The following MTF2 variants were observed in gnomAD, a reference collection of about 807,000 sequenced individuals.
MTF2 encodes metal-response element-binding transcription factor 2.
MTF2 carries 11 observed loss-of-function variants against 79.5 expected under a neutral mutation model. The ratio of observed to expected loss-of-function variants is 0.14; its 90% confidence interval spans 0.09 to 0.23. MTF2 has a LOEUF of 0.23. MTF2 is among the 10% of genes least tolerant of loss of function. The probability of loss-of-function intolerance (pLI) is 1.00; values close to 1 mark genes in which losing one functional copy is unlikely to be tolerated. For missense variants in MTF2, 486 were observed against 711.2 expected (o/e 0.68, Z 3.60); for synonymous variants, 208 against 232.8 (o/e 0.89, Z 0.97).
Position 93,137,100 on chromosome 1 carries a change from G to T in MTF2, c.*73G>T. 7.8e-7 allele frequency: 1 copy of T among 1,275,172 alleles called. No individual in the cohort carries two copies. The highest frequency in any genetic ancestry group is 1.1e-6 in the Non-Finnish European group (1 of 931,158). The allele number at this position is 1,275,172 out of a possible 1,614,324, so 79.0% of individuals were successfully genotyped here. On this transcript the variant is annotated 3_prime_UTR_variant, in exon 15 of 15. Coordinates refer to ENST00000370298, the MANE Select transcript of MTF2 (RefSeq NM_007358.4). The stretch of plus-strand genomic sequence containing the variant: ...ACAGTTCAAAGCCCTAAAGGAGTCT[G>T]GCTTTTACTATCTTTCTTAAAAAAA...
intron 1 of MTF2, among the ~76,000 whole-genome samples, chr1:93,097,707 C>T (rs982311030): frequency 6.6e-5 from 10 of 152,112 alleles, no homozygotes; most frequent in Non-Finnish European, 1.0e-4. Context: ...GAGCAGTTCT[C>T]GCGCCTCAGC....
In MTF2 at chr1:93,091,014, ATG is replaced by A. The variant is rs1458410512; in HGVS notation, c.5+11484_5+11485del. Reference sequence around the variant, plus strand: ...CCATTTTTGTAACCTTGTAGCTTGTATGAATGTTCAAACATTTTTTTGCCCCT... The same window carrying A: ...CCATTTTTGTAACCTTGTAGCTTGTAAATGTTCAAACATTTTTTTGCCCCT... On this transcript the variant is annotated intron_variant, in intron 1 of 14. Transcript: ENST00000370298. 4.8e-3 allele frequency among the ~76,000 whole-genome samples: 738 copies of A among 152,266 alleles called. 3 individuals are homozygous for A. Among genetic ancestry groups the A allele is most frequent in the South Asian group, 8.5e-3 (41 of 4,828 alleles).
At chr1:93,110,681 A>G (rs1655992610) in intron 3 of MTF2, 55 bp downstream of exon 3, 1 of 1,351,428 alleles carries the variant, frequency 7.4e-7, no homozygotes, top group Non-Finnish European at 1.1e-6. Context: ...GATTTTCTTC[A>G]ACTTGTCATA....
At chr1:93,103,198 C>T (rs936990871) in intron 1 of MTF2, among the ~76,000 whole-genome samples, 10 of 150,788 alleles carry the variant, frequency 6.6e-5, no homozygotes, top group Non-Finnish European at 7.4e-5. Flanking sequence ...GTTTTGTCTA[C>T]GTTTGTAATT....
At chr1:93,119,499 A>G in intron 8 of MTF2, 98 bp downstream of exon 8, 2 of 858,544 alleles carry the variant, frequency 2.3e-6, no homozygotes, top group Non-Finnish European at 3.6e-6. Flanking sequence ...AAGTAAAAAT[A>G]GGTTATTTAT....
chr1:93,094,877 T>C (rs1655217759), intron 1 of MTF2, among the ~76,000 whole-genome samples: 2 of 152,186 alleles, frequency 1.3e-5, no homozygotes, highest in African/African-American at 4.8e-5. Context: ...ATAGAGAAAG[T>C]TTACCTCTAT....
chr1:93,127,521 A>G lies in MTF2; in HGVS notation c.989+222A>G, dbSNP rs181344893. Reference sequence around the variant, plus strand: ...CCTGGGAATGGTGGGTGGGAGACATATCGGTATCTCTGGGAGAATTTAGCC... The same window carrying G: ...CCTGGGAATGGTGGGTGGGAGACATGTCGGTATCTCTGGGAGAATTTAGCC... On this transcript the variant is annotated intron_variant, in intron 10 of 14. Coordinates refer to ENST00000370298, the MANE Select transcript of MTF2 (RefSeq NM_007358.4). 2.9e-4 allele frequency among the ~76,000 whole-genome samples: 44 copies of G among 152,314 alleles called. No individual in the cohort carries two copies. In the East Asian group the frequency reaches 5.4e-3, roughly 19 times the overall value.
chr1:93,113,302 C>CTTGGG (rs1656107516), intron 3 of MTF2, among the ~76,000 whole-genome samples: 1 of 151,616 alleles, frequency 6.6e-6, no homozygotes, highest in Admixed American at 6.6e-5. Context: ...ATTGCTTGGG[C>CTTGGG]TTGGGAAGTC....
At chr1:93,130,968 C>T (rs910616330) in intron 11 of MTF2, among the ~76,000 whole-genome samples, 3 of 151,990 alleles carry the variant, frequency 2.0e-5, no homozygotes, top group Non-Finnish European at 4.4e-5. Context: ...CACACACACA[C>T]ACCCTCATAC....
intron 1 of MTF2, among the ~76,000 whole-genome samples, chr1:93,101,577 T>TTTGTTTTTG (rs1180186958): frequency 6.0e-5 from 6 of 100,750 alleles, no homozygotes; most frequent in African/African-American, 2.1e-4. Flanking sequence ...GGTTTTTTTT[T>TTTGTTTTTG]TTTTTTTTTT....
chr1:93,082,273 CTTTT>C (rs11380988), intron 1 of MTF2, among the ~76,000 whole-genome samples: 2 of 139,262 alleles, frequency 1.4e-5, no homozygotes, highest in South Asian at 2.3e-4. Flanking sequence ...TGTAACCATT[CTTTT>C]TTTTTTTTTT....
chr1:93,138,176 T>C lies in MTF2; in HGVS notation c.*1149T>C, dbSNP rs1647475539. The C allele has an allele frequency of 6.6e-6, 1 of 152,202 alleles. No individual in the cohort carries two copies. Among genetic ancestry groups the C allele is most frequent in the Non-Finnish European group, 1.5e-5 (1 of 68,022 alleles). 9.4% of individuals were successfully genotyped at this position (152,202 alleles called of 1,614,324 possible). On this transcript the variant is annotated 3_prime_UTR_variant, in exon 15 of 15. Transcript: ENST00000370298. ...ATTACAACATTACCTCTTGTTTTTA[T>C]AAAGTGTACCAAGATTTAAATTGAT...
chr1:93,116,945 G>C (rs1219605157), intron 6 of MTF2, among the ~76,000 whole-genome samples: 1 of 152,106 alleles, frequency 6.6e-6, no homozygotes, highest in Non-Finnish European at 1.5e-5. Context: ...TGCCATCTTA[G>C]GTGGGCACGG....
intron 1 of MTF2, among the ~76,000 whole-genome samples, chr1:93,090,318 G>T (rs1655024094): frequency 2.0e-5 from 3 of 151,774 alleles, no homozygotes; most frequent in Non-Finnish European, 4.4e-5. Context: ...CTCCATGCTG[G>T]CCAGGCGGGT....
chr1:93,107,187 C>T (rs1430183375), intron 1 of MTF2, among the ~76,000 whole-genome samples: 3 of 152,118 alleles, frequency 2.0e-5, no homozygotes, highest in Non-Finnish European at 2.9e-5. Context: ...AACACACACA[C>T]GTACCCCCAA....
chr1:93,132,355 A>G (rs1288189706), intron 11 of MTF2, among the ~76,000 whole-genome samples: 1 of 152,170 alleles, frequency 6.6e-6, no homozygotes, highest in Non-Finnish European at 1.5e-5. Context: ...AATCAGAAAA[A>G]AAAATTCCAC....
chr1:93,090,629 GA>G (rs1383263457), intron 1 of MTF2, among the ~76,000 whole-genome samples: 7 of 151,714 alleles, frequency 4.6e-5, no homozygotes, highest in Admixed American at 4.6e-4. Context: ...AGGATTGTTG[GA>G]ATATGAATAT....
At chr1:93,133,662 C>T in intron 11 of MTF2, 41 bp from the exon 12 acceptor site, 1 of 1,419,612 alleles carries the variant, frequency 7.0e-7, no homozygotes, top group Non-Finnish European at 9.8e-7. Context: ...TCTTTGTTTT[C>T]TTTATGCAGA....
At chr1:93,101,580 T>TTTTTTTG (rs1557546803) in intron 1 of MTF2, among the ~76,000 whole-genome samples, 2 of 90,070 alleles carry the variant, frequency 2.2e-5, no homozygotes, top group African/African-American at 1.4e-4. Flanking sequence ...TTTTTTTTTT[T>TTTTTTTG]TTTTTTTTTT....
Sources: allele counts gnomAD v4.1 joint callset (sites outside exome capture counted in the v4.1 genomes callset), GRCh38; gene constraint gnomAD v4.1.1; transcripts MANE v1.5; gene names NCBI Gene and HGNC (gene_info 2026-07-23, HGNC 2026-07-21).